Variants in PDE4D observed in about 807,000 individuals in gnomAD.
PDE4D encodes the protein 3',5'-cyclic-AMP phosphodiesterase 4D.
PDE4D carries 24 observed loss-of-function variants against 87.4 expected under a neutral mutation model. The observed-to-expected ratio is 0.27, with a 90% confidence interval of 0.20 to 0.39. The LOEUF (loss-of-function observed/expected upper bound fraction) is 0.39. PDE4D is among the 10% of genes least tolerant of loss of function. PDE4D has a pLI of 1.00. For synonymous variants in PDE4D, 384 were observed against 383.2 expected (o/e 1.00, Z -0.02); for missense variants, 714 against 1,041.0 (o/e 0.69, Z 4.32).
chr5:59,183,519 G>C (rs1378177113), intron 4 of PDE4D, among the ~76,000 whole-genome samples: 1 of 152,064 alleles, frequency 6.6e-6, no homozygotes, highest in Non-Finnish European at 1.5e-5. Flanking sequence ...AAGCATAAAG[G>C]GAGTTTCTTG....
chr5:59,388,044 G>A (rs1241864661), intron 1 of PDE4D, among the ~76,000 whole-genome samples: 2 of 151,958 alleles, frequency 1.3e-5, no homozygotes, highest in Non-Finnish European at 2.9e-5. Flanking sequence ...TCATGTGGTG[G>A]TTGTCATTCT....
intron 2 of PDE4D, among the ~76,000 whole-genome samples, chr5:59,998,745 A>G (rs188913182): frequency 3.3e-5 from 5 of 152,270 alleles, no homozygotes; most frequent in Admixed American, 1.3e-4. Flanking sequence ...AAGCCACAAT[A>G]ACAACCAAAA....
At chr5:60,306,613 T>A (rs2149804866) in intron 1 of PDE4D, among the ~76,000 whole-genome samples, 1 of 151,584 alleles carries the variant, frequency 6.6e-6, no homozygotes, top group African/African-American at 2.4e-5. Flanking sequence ...TCTGCAAGAG[T>A]AAGACAAGAA....
intron 1 of PDE4D, among the ~76,000 whole-genome samples, chr5:59,358,499 G>T (rs1781739600): frequency 6.6e-6 from 1 of 152,182 alleles, no homozygotes; most frequent in Admixed American, 6.5e-5. Context: ...TGCCCTTCTG[G>T]TGTATGAAAT....
intron 5 of PDE4D, among the ~76,000 whole-genome samples, chr5:59,092,838 C>T (rs529853925): frequency 6.6e-6 from 1 of 152,026 alleles, no homozygotes; most frequent in African/African-American, 2.4e-5. Flanking sequence ...CATCATCTTG[C>T]TGTACTTTTG....
At chr5:59,828,234 G>C (rs1229075086) in intron 1 of PDE4D, among the ~76,000 whole-genome samples, 2 of 151,868 alleles carry the variant, frequency 1.3e-5, no homozygotes, top group African/African-American at 4.8e-5. Context: ...GAGCAAAATG[G>C]AACTAGAAAA....
chr5:59,038,720 C>G (rs1481985739), intron 6 of PDE4D, 139 bp downstream of exon 6: 2 of 764,602 alleles, frequency 2.6e-6, no homozygotes, highest in Non-Finnish European at 3.8e-6. Context: ...AGGAACCTCC[C>G]TCTAAGGAGC....
At chr5:60,412,365 T>G (rs991216748) in intron 1 of PDE4D, among the ~76,000 whole-genome samples, 1 of 152,306 alleles carries the variant, frequency 6.6e-6, no homozygotes, top group Non-Finnish European at 1.5e-5. Context: ...CCAGAAGAGA[T>G]AGAAAAACCA....
At chr5:60,379,971 G>A (rs1428130480) in intron 1 of PDE4D, among the ~76,000 whole-genome samples, 1 of 152,218 alleles carries the variant, frequency 6.6e-6, no homozygotes, top group Non-Finnish European at 1.5e-5. Context: ...AAAGGTGAAT[G>A]AAATGGTAAC....
At chr5:59,071,853 A>T (rs968113546) in intron 5 of PDE4D, among the ~76,000 whole-genome samples, 1 of 151,336 alleles carries the variant, frequency 6.6e-6, no homozygotes, top group Admixed American at 6.6e-5. Context: ...CGCCCAGCTA[A>T]TTTTTTTATA....
At chr5:59,170,337 C>A (rs956053820) in intron 5 of PDE4D, among the ~76,000 whole-genome samples, 2 of 152,150 alleles carry the variant, frequency 1.3e-5, no homozygotes, top group African/African-American at 4.8e-5. Flanking sequence ...TTTTTCTGAT[C>A]ATCTGAAGGA....
At chr5:59,917,560 T>A (rs979690329) in intron 3 of PDE4D, among the ~76,000 whole-genome samples, 1 of 152,234 alleles carries the variant, frequency 6.6e-6, no homozygotes, top group Admixed American at 6.5e-5. Flanking sequence ...CTATAATATA[T>A]CAATTAAACT....
At chr5:59,304,600 CA>C (rs1770925552) in intron 1 of PDE4D, among the ~76,000 whole-genome samples, 1 of 152,100 alleles carries the variant, frequency 6.6e-6, no homozygotes, top group Non-Finnish European at 1.5e-5. Flanking sequence ...GAGCTTTAAT[CA>C]TAAAGGGATG....
intron 1 of PDE4D, among the ~76,000 whole-genome samples, chr5:60,333,966 T>C (rs1478406070): frequency 6.6e-6 from 1 of 152,228 alleles, no homozygotes; most frequent in Admixed American, 6.5e-5. Context: ...ACAAAAGCAC[T>C]GTGGCTCTCA....
In PDE4D at chr5:60,373,324, G is replaced by A. The variant is rs114593350; in HGVS notation, c.-90+114618C>T. Reference sequence around the variant, plus strand: ...ACGGCAACAATCACCATGAGGAGCTGGCCATGTACTCTCTGGTCAGCCACA... The same window carrying A: ...ACGGCAACAATCACCATGAGGAGCTAGCCATGTACTCTCTGGTCAGCCACA... On this transcript the variant is annotated intron_variant, in intron 1 of 16. Coordinates refer to the PDE4D transcript ENST00000502484. Among the ~76,000 whole-genome samples, 159 of 152,286 alleles carry A rather than the reference G, an allele frequency of 1.0e-3. 1 individual carries two copies. The highest frequency in any genetic ancestry group is 3.8e-3 in the African/African-American group (158 of 41,568).
chr5:59,499,881 CAAA>C (rs201205880), intron 1 of PDE4D, among the ~76,000 whole-genome samples: 10,068 of 137,476 alleles, frequency 0.073, 369 homozygotes, highest in South Asian at 0.12. Context: ...TGAAAGTATT[CAAA>C]AAAAAAAAAA....
At chr5:59,350,689 T>C (rs1182785338) in intron 1 of PDE4D, among the ~76,000 whole-genome samples, 1 of 152,230 alleles carries the variant, frequency 6.6e-6, no homozygotes, top group East Asian at 1.9e-4. Context: ...TACATTCTAT[T>C]ATTAATAATA....
chr5:60,220,286 C>T (rs943887435), intron 1 of PDE4D, among the ~76,000 whole-genome samples: 1 of 151,274 alleles, frequency 6.6e-6, no homozygotes, highest in Non-Finnish European at 1.5e-5. Context: ...AACCTAACAG[C>T]ATTTGCTAAT....
At chr5:59,006,676 C>T (rs1428208074) in intron 6 of PDE4D, among the ~76,000 whole-genome samples, 1 of 152,148 alleles carries the variant, frequency 6.6e-6, no homozygotes, top group African/African-American at 2.4e-5. Context: ...GGCCACTTCC[C>T]TGCTATTCCT....
Sources: gnomAD v4.1 joint callset for allele counts (sites outside exome capture counted in the v4.1 genomes callset) on GRCh38, gnomAD v4.1.1 for gene constraint, MANE v1.5 for transcripts, NCBI Gene and HGNC (gene_info 2026-07-23, HGNC 2026-07-21) for gene names.